BLM: variants seen among roughly 807,000 people sequenced by gnomAD.
The protein encoded by BLM is BLM RecQ like helicase, also known as recQ-like DNA helicase BLM.
A neutral mutation model predicts 135.3 loss-of-function variants in BLM; 95 were observed. The ratio of observed to expected loss-of-function variants is 0.70; its 90% CI spans 0.59 to 0.83. The LOEUF (loss-of-function observed/expected upper bound fraction) is 0.83. BLM is among the 40% of genes least tolerant of loss of function. The pLI is 0.00. For missense variants in BLM, 1,518 were observed against 1,663.9 expected (o/e 0.91, Z 1.53); for synonymous variants, 520 against 589.2 (o/e 0.88, Z 1.70).
chr15:90,769,327 T>G, intron 11 of BLM, 96 bp downstream of exon 11: 1 of 1,539,642 alleles, frequency 6.5e-7, no homozygotes, highest in South Asian at 1.1e-5. Context: ...AGTGAACGAG[T>G]CTCCTATTTT....
chr15:90,726,827 A>G (rs1894931197), intron 1 of BLM, among the ~76,000 whole-genome samples: 1 of 152,120 alleles, frequency 6.6e-6, no homozygotes, highest in African/African-American at 2.4e-5. Flanking sequence ...TTATTCATTC[A>G]TCGCTTGTTG....
In BLM at chr15:90,747,490, CGTAA is replaced by C. The variant is rs1555418015; in HGVS notation, c.98+3_98+6del. 1 of 1,592,964 alleles carries C rather than the reference CGTAA, an allele frequency of 6.3e-7. No homozygotes were observed. Among genetic ancestry groups the C allele is most frequent in the East Asian group, 2.2e-5 (1 of 44,622 alleles). ...TTAAGTCTTTCAAAACCAAAATTTT[CGTAA>C]GTGTTTTGACTGGTTTGCTGTCACA... On this transcript the variant is annotated splice_donor_variant and splice_donor_region_variant and intron_variant, in intron 2 of 21. Coordinates refer to ENST00000355112, the MANE Select transcript of BLM (RefSeq NM_000057.4). LOFTEE classifies it high-confidence loss of function.
chr15:90,762,865 G>A, intron 7 of BLM, 101 bp from the exon 8 acceptor site: 1 of 1,094,730 alleles, frequency 9.1e-7, no homozygotes, highest in Non-Finnish European at 1.3e-6. Context: ...TGTGCTGCAG[G>A]GAAACGTGTG....
intron 1 of BLM, among the ~76,000 whole-genome samples, chr15:90,729,533 A>G (rs988596056): frequency 6.6e-6 from 1 of 152,080 alleles, no homozygotes; most frequent in Admixed American, 6.5e-5. Context: ...TCCATTATCA[A>G]AGCCAGCAAC....
At chr15:90,810,004 G>A (rs1897372551) in intron 20 of BLM, among the ~76,000 whole-genome samples, 1 of 152,022 alleles carries the variant, frequency 6.6e-6, no homozygotes, top group Admixed American at 6.6e-5. Context: ...GGCAGTGTGG[G>A]GGTCTTCCCA....
chr15:90,758,784 A>T (rs1895885412), intron 5 of BLM, among the ~76,000 whole-genome samples: 1 of 152,136 alleles, frequency 6.6e-6, no homozygotes, highest in African/African-American at 2.4e-5. Flanking sequence ...GGAAAAAGGG[A>T]GGTACTTTTT....
intron 5 of BLM, among the ~76,000 whole-genome samples, chr15:90,756,385 G>A (rs1374496970): frequency 6.6e-6 from 1 of 152,164 alleles, no homozygotes; most frequent in Non-Finnish European, 1.5e-5. Flanking sequence ...TTACAGGCGT[G>A]AGCCACCGCG....
intron 19 of BLM, among the ~76,000 whole-genome samples, chr15:90,807,377 T>C (rs1197744158): frequency 6.6e-6 from 1 of 152,172 alleles, no homozygotes; most frequent in Admixed American, 6.6e-5. Flanking sequence ...CAGAGACAAA[T>C]AGTGCCTGGG....
chr15:90,721,566 A>G (rs920286146), intron 1 of BLM, among the ~76,000 whole-genome samples: 5 of 151,812 alleles, frequency 3.3e-5, no homozygotes, highest in Non-Finnish European at 5.9e-5. Flanking sequence ...TAGGTGATCT[A>G]CCCACTTTGG....
chr15:90,802,349 G>A (rs563655790), intron 17 of BLM, among the ~76,000 whole-genome samples: 4 of 152,286 alleles, frequency 2.6e-5, no homozygotes, highest in Admixed American at 1.3e-4. Flanking sequence ...TAAGTAGATT[G>A]TTACAATAAA....
At chr15:90,748,596 C>G (rs1471695970) in intron 2 of BLM, among the ~76,000 whole-genome samples, 1 of 152,046 alleles carries the variant, frequency 6.6e-6, no homozygotes, top group African/African-American at 2.4e-5. Flanking sequence ...TTGAAGTCAC[C>G]ACTGACTTTG....
At chr15:90,775,441 T>C (rs1397399519) in intron 12 of BLM, among the ~76,000 whole-genome samples, 1 of 149,542 alleles carries the variant, frequency 6.7e-6, no homozygotes, top group Non-Finnish European at 1.5e-5. Context: ...TATATACATA[T>C]ATGTTTTAAA....
At chr15:90,759,542 A>G (rs1160864510) in intron 5 of BLM, among the ~76,000 whole-genome samples, 3 of 152,130 alleles carry the variant, frequency 2.0e-5, no homozygotes, top group East Asian at 1.9e-4. Flanking sequence ...TTCAGTGAGC[A>G]GTGATTGCAC....
At chr15:90,796,952 A>G (rs906649505) in intron 16 of BLM, among the ~76,000 whole-genome samples, 1 of 152,154 alleles carries the variant, frequency 6.6e-6, no homozygotes, top group Non-Finnish European at 1.5e-5. Flanking sequence ...TGAGTTGGAA[A>G]GATAGGATGT....
chr15:90,806,902 A>G (rs1897298206), intron 19 of BLM, among the ~76,000 whole-genome samples: 1 of 152,242 alleles, frequency 6.6e-6, no homozygotes, highest in Non-Finnish European at 1.5e-5. Flanking sequence ...TCTGCTAATT[A>G]AACTATGACA....
intron 9 of BLM, among the ~76,000 whole-genome samples, chr15:90,765,861 C>T (rs527263174): frequency 5.3e-5 from 8 of 152,224 alleles, no homozygotes; most frequent in Non-Finnish European, 1.0e-4. Context: ...GCCTGTAATC[C>T]CAGTGACTTG....
chr15:90,793,563 C>G (rs952334034), intron 15 of BLM, among the ~76,000 whole-genome samples: 2 of 152,146 alleles, frequency 1.3e-5, no homozygotes, highest in African/African-American at 4.8e-5. Flanking sequence ...TGAGATACTT[C>G]TTTTTATCAT....
chr15:90,794,696 A>AT (rs1896989006), intron 16 of BLM, among the ~76,000 whole-genome samples: 2 of 149,432 alleles, frequency 1.3e-5, no homozygotes, highest in Non-Finnish European at 3.0e-5. Flanking sequence ...TTTTAAATTT[A>AT]ATATATTAAT....
In BLM at chr15:90,749,283, A is replaced by G. The variant is rs367772462; in HGVS notation, c.99-84A>G. The stretch of plus-strand genomic sequence containing the variant: ...GGATACAATTAATGTAACCTGTGTG[A>G]ATTAGTTTAAAAAATTAGTTTTGTA... On this transcript the variant is annotated intron_variant, in intron 2 of 21. Transcript: ENST00000355112. 7.4e-6 allele frequency: 7 copies of G among 945,958 alleles called. No individual in the cohort carries two copies. In the East Asian group the frequency reaches 1.8e-4, roughly 24 times the overall value. 58.6% of individuals were successfully genotyped at this position (945,958 alleles called of 1,614,324 possible).
Sources: gnomAD v4.1 joint callset for allele counts (sites outside exome capture counted in the v4.1 genomes callset) on GRCh38, gnomAD v4.1.1 for gene constraint, MANE v1.5 for transcripts, NCBI Gene and HGNC (gene_info 2026-07-23, HGNC 2026-07-21) for gene names.